TACC2: variants seen among roughly 807,000 people sequenced by gnomAD.
TACC2 encodes the protein transforming acidic coiled-coil containing protein 2.
TACC2 carries 137 observed loss-of-function variants against 227.3 expected under a neutral mutation model. The ratio of observed to expected loss-of-function variants is 0.60; its 90% CI spans 0.52 to 0.69. The LOEUF (loss-of-function observed/expected upper bound fraction) is 0.69, where lower values mean the gene tolerates loss of function less well. Among genes scored for constraint, TACC2 ranks in the 30% least tolerant of loss-of-function variants. TACC2 has a pLI of 0.00. For missense variants in TACC2, 3,470 were observed against 3,694.4 expected, an observed-to-expected ratio of 0.94 and a Z score of 1.57; for synonymous variants, 1,523 against 1,487.5, an observed-to-expected ratio of 1.02 and a Z score of -0.55.
intron 1 of TACC2, among the ~76,000 whole-genome samples, chr10:122,005,382 C>CCTTTTT: frequency 8.4e-6 from 1 of 119,208 alleles, no homozygotes; most frequent in East Asian, 2.5e-4. Context: ...CCACGCCCAG[C>CCTTTTT]TTTTTTTTTT....
Position 122,249,076 on chromosome 10 carries a change from G to T in TACC2, c.8580G>T (p.Ala2860=), listed in dbSNP as rs753003533. The part of the protein sequence containing the change: ...RKNEEVLKRC[A]QEYLSRVKKE... ...ATGAAGAGGTGTTGAAGAGATGTGCGCAGGAGTACCTGTCCCGGGTGAAGA... is the reference window on the plus strand; with the variant it reads ...ATGAAGAGGTGTTGAAGAGATGTGCTCAGGAGTACCTGTCCCGGGTGAAGA... Residue 2860 remains alanine (A), a synonymous_variant, in exon 21 of 23, where the codon GCG becomes GCT. Transcript: ENST00000369005. 1.1e-5 allele frequency: 18 copies of T among 1,613,136 alleles called. No homozygotes were observed. Among genetic ancestry groups the T allele is most frequent in the South Asian group, 2.2e-5 (2 of 90,612 alleles).
rs757192262 is a variant in TACC2, at chr10:122,082,725, A to G, written c.225A>G (p.Pro75=). The change falls in exon 4 of 23, where the codon CCA becomes CCG. Residue 75 remains proline (P), a synonymous_variant. Transcript: ENST00000369005. ...SASLDPCLVS[P]EVTEPRKDPQ... ...GCCTGGATCCATGCCTTGTGTCCCC[A>G]GAGGTGACTGAGCCAAGGAAGGACC... 5 of 1,614,086 alleles carry G rather than the reference A, an allele frequency of 3.1e-6. No homozygotes were observed. The Admixed American group carries it at 5.0e-5, about 16-fold the overall frequency.
rs1189737934 is a variant in TACC2, at chr10:122,210,097, C to G, written c.5972-300C>G. On this transcript the variant is annotated intron_variant, in intron 8 of 22. Transcript: ENST00000369005. This position sits in a 1 kb window ranked among gnomAD's most constrained non-coding sequence, Gnocchi z 4.6. Reference sequence around the variant, plus strand: ...GAATCTCTAGTACCTAGAACCATGTCTGGTCCTGATTAGGCACTTGGTGAA... The same window carrying G: ...GAATCTCTAGTACCTAGAACCATGTGTGGTCCTGATTAGGCACTTGGTGAA... 2 of 439,874 alleles carry G rather than the reference C, an allele frequency of 4.5e-6. No individual in the cohort carries two copies. Among genetic ancestry groups the G allele is most frequent in the Non-Finnish European group, 8.3e-6 (2 of 240,966 alleles). 27.2% of individuals were successfully genotyped at this position (439,874 alleles called of 1,614,324 possible). A position where few individuals can be genotyped will look rare whatever the true frequency, so the allele number is the denominator to read the frequency against.
At chr10:122,187,287 A>T (rs79176171) in intron 7 of TACC2, among the ~76,000 whole-genome samples, 2,325 of 152,024 alleles carry the variant, frequency 0.015, 56 homozygotes, top group African/African-American at 0.054. Context: ...TGAGGGGAGG[A>T]TGAAGTTGAC....
At position 122,132,716 on chromosome 10, in the gene TACC2, C is replaced by A; in HGVS notation, c.5681C>A (p.Thr1894Lys). ...GGTGATGTTGTTGGCCAGGTCTCTA[C>A]GGATCTGATAGCCCAGAGGTACGGT... Reference protein sequence around the residue: ...YHGDVVGQVSTDLIAQSISPA... With the variant: ...YHGDVVGQVSKDLIAQSISPA... The change falls in exon 6 of 23, where the codon ACG becomes AAG. Residue 1894 changes from threonine (T) to lysine (K), a missense_variant. By Grantham distance (78) the Thr-to-Lys change is moderately conservative. Transcript: ENST00000369005. The A allele has an allele frequency of 1.9e-6, 3 of 1,614,164 alleles. No individual in the cohort carries two copies. The highest frequency in any genetic ancestry group is 2.5e-6 in the Non-Finnish European group (3 of 1,180,020).
At position 122,195,276 on chromosome 10, in the gene TACC2, T is replaced by C. The variant is rs2094529117; in HGVS notation, c.5971+100T>C. 9.5e-6 allele frequency: 10 copies of C among 1,056,144 alleles called. No homozygotes were observed. The South Asian group carries it at 1.7e-4, about 18-fold the overall frequency. 65.4% of individuals were successfully genotyped at this position (1,056,144 alleles called of 1,614,324 possible). A position where few individuals can be genotyped will look rare whatever the true frequency, so the allele number is the denominator to read the frequency against. The stretch of plus-strand genomic sequence containing the variant: ...CCTGGGTCAGGCTGGAGGCGAGCAC[T>C]GACTCGACCTCTTGGCTTTGAGTTG... On this transcript the variant is annotated intron_variant, in intron 8 of 22. Coordinates refer to ENST00000369005, the MANE Select transcript of TACC2 (RefSeq NM_206862.4).
intron 7 of TACC2, among the ~76,000 whole-genome samples, chr10:122,178,494 C>T (rs2093833190): frequency 6.6e-6 from 1 of 152,124 alleles, no homozygotes; most frequent in African/African-American, 2.4e-5. Context: ...TCCTAGACCT[C>T]CCAAAGTGCT....
At chr10:122,065,603 T>TA (rs1565195970) in intron 3 of TACC2, among the ~76,000 whole-genome samples, 1 of 152,186 alleles carries the variant, frequency 6.6e-6, no homozygotes, top group Non-Finnish European at 1.5e-5. Flanking sequence ...TGGATGGTGT[T>TA]AAAAAAGTGT....
chr10:122,153,853 A>T (rs757311871), intron 7 of TACC2, among the ~76,000 whole-genome samples: 1 of 152,206 alleles, frequency 6.6e-6, no homozygotes, highest in Non-Finnish European at 1.5e-5. Context: ...CTTGCTTTCT[A>T]TTCATCTTTT....
At position 122,240,106 on chromosome 10, in the gene TACC2, T is replaced by G. The variant is rs1049282661; in HGVS notation, c.8349-1852T>G. 4.6e-5 allele frequency among the ~76,000 whole-genome samples: 7 copies of G among 152,244 alleles called. 1 individual carries two copies. The highest frequency in any genetic ancestry group is 4.6e-4 in the Admixed American group (7 of 15,294). On this transcript the variant is annotated intron_variant, in intron 18 of 22. Coordinates refer to ENST00000369005, the MANE Select transcript of TACC2 (RefSeq NM_206862.4). ...TCTTCATCAGTAATGCTGGGAACAG[T>G]GAGAGCACTGCCTCTTAGGGTCATT...
At chr10:121,992,236 G>C (rs1187990098) in intron 1 of TACC2, among the ~76,000 whole-genome samples, 1 of 152,164 alleles carries the variant, frequency 6.6e-6, no homozygotes, top group African/African-American at 2.4e-5. Context: ...GCCCAGAACA[G>C]CCCACCCTGA....
intron 11 of TACC2, among the ~76,000 whole-genome samples, chr10:122,224,347 G>C (rs746223346): frequency 2.6e-5 from 4 of 152,098 alleles, no homozygotes; most frequent in Admixed American, 2.0e-4. Flanking sequence ...ATCATCCCAC[G>C]TGTCTCACCT....
chr10:122,101,724 T>G (rs1397015451), intron 5 of TACC2, among the ~76,000 whole-genome samples: 21 of 22,316 alleles, frequency 9.4e-4, no homozygotes, highest in Non-Finnish European at 1.4e-3. Context: ...CATGCCCAGC[T>G]TTTTTTTTTT....
At chr10:122,216,986 G>T in intron 11 of TACC2, 158 bp downstream of exon 11, 1 of 1,450,402 alleles carries the variant, frequency 6.9e-7, no homozygotes, top group Non-Finnish European at 9.2e-7. Flanking sequence ...AGCTCAGGCT[G>T]TGTTTGAAAA....
chr10:122,153,765 C>T (rs1182412975), intron 7 of TACC2, among the ~76,000 whole-genome samples: 2 of 152,208 alleles, frequency 1.3e-5, no homozygotes, highest in African/African-American at 4.8e-5. Context: ...TTTCATTGCA[C>T]AGATGAGAAA....
chr10:122,246,001 G>A (rs899679223), intron 19 of TACC2, among the ~76,000 whole-genome samples: 2 of 151,340 alleles, frequency 1.3e-5, no homozygotes, highest in Non-Finnish European at 2.9e-5. Flanking sequence ...CACTGGCTTG[G>A]GCAGCTCTGG....
At chr10:122,099,101 G>T (rs1294196004) in intron 5 of TACC2, among the ~76,000 whole-genome samples, 8 of 152,150 alleles carry the variant, frequency 5.3e-5, no homozygotes, top group Non-Finnish European at 1.0e-4. Flanking sequence ...GACAATTTTG[G>T]CATGATATTT....
At chr10:122,116,080 C>A (rs1479495116) in intron 5 of TACC2, among the ~76,000 whole-genome samples, 1 of 152,162 alleles carries the variant, frequency 6.6e-6, no homozygotes, top group Non-Finnish European at 1.5e-5. Flanking sequence ...TTCACATCAA[C>A]TCCCTGCGAT....
At chr10:122,105,944 C>G (rs76022702) in intron 5 of TACC2, among the ~76,000 whole-genome samples, 27,279 of 145,138 alleles carry the variant, frequency 0.19, 2,938 homozygotes, top group East Asian at 0.42. Flanking sequence ...TTTTCTCTCT[C>G]TGTGTGTGTG....
Sources: allele counts gnomAD v4.1 joint callset (sites outside exome capture counted in the v4.1 genomes callset), GRCh38; gene constraint gnomAD v4.1.1; non-coding constraint Gnocchi (gnomAD v3.1); transcripts MANE v1.5; gene names NCBI Gene and HGNC (gene_info 2026-07-23, HGNC 2026-07-21).